KCNU1: variants seen among roughly 807,000 people sequenced by gnomAD.
KCNU1 encodes potassium calcium-activated channel subfamily U member 1.
In KCNU1, 93 loss-of-function variants were observed where a neutral mutation model predicts 126.8. The ratio of observed to expected loss-of-function variants is 0.73; its 90% CI spans 0.62 to 0.87. KCNU1 has a LOEUF of 0.87. Among genes scored for constraint, KCNU1 ranks in the 40% least tolerant of loss-of-function variants. The pLI is 0.00. For missense variants in KCNU1, 1,330 were observed against 1,367.1 expected, an observed-to-expected ratio of 0.97 and a Z score of 0.43; for synonymous variants, 523 against 494.2, an observed-to-expected ratio of 1.06 and a Z score of -0.77.
chr8:36,816,114 G>C (rs574576974), intron 9 of KCNU1, among the ~76,000 whole-genome samples: 1 of 150,134 alleles, frequency 6.7e-6, no homozygotes, highest in South Asian at 2.1e-4. Context: ...ATTTAGTTCA[G>C]TTGTCTTAGC....
At chr8:36,805,917 C>T (rs1223791040) in intron 4 of KCNU1, among the ~76,000 whole-genome samples, 2 of 152,118 alleles carry the variant, frequency 1.3e-5, no homozygotes, top group African/African-American at 2.4e-5. Context: ...GTTCTTGGCT[C>T]ACTGCAACCT....
At chr8:36,792,822 G>T (rs1281301884) in intron 2 of KCNU1, among the ~76,000 whole-genome samples, 1 of 152,098 alleles carries the variant, frequency 6.6e-6, no homozygotes, top group African/African-American at 2.4e-5. Flanking sequence ...TATAGGTTCT[G>T]CATATAATAA....
chr8:36,822,047 A>G (rs867145292), intron 10 of KCNU1, among the ~76,000 whole-genome samples: 3 of 152,106 alleles, frequency 2.0e-5, no homozygotes, highest in South Asian at 4.2e-4. Flanking sequence ...TGCTCCTCCT[A>G]CCAAAAGTGG....
At chr8:36,879,189 GTA>G (rs1472849345) in intron 19 of KCNU1, among the ~76,000 whole-genome samples, 84 of 108,836 alleles carry the variant, frequency 7.7e-4, no homozygotes, top group Admixed American at 6.4e-4. Context: ...AGGCATATAT[GTA>G]TGTGTGTGTG....
intron 18 of KCNU1, among the ~76,000 whole-genome samples, chr8:36,860,103 A>C (rs1805675796): frequency 6.6e-6 from 1 of 152,038 alleles, no homozygotes; most frequent in Non-Finnish European, 1.5e-5. Context: ...TTTGAGATGG[A>C]GTCTCTCTCT....
chr8:36,859,073 G>T (rs951520529), intron 18 of KCNU1, among the ~76,000 whole-genome samples: 2 of 152,110 alleles, frequency 1.3e-5, no homozygotes, highest in African/African-American at 4.8e-5. Context: ...GCCAGATGAT[G>T]GCAGCAGAGT....
At chr8:36,889,840 A>G (rs923131766) in intron 19 of KCNU1, among the ~76,000 whole-genome samples, 2 of 152,070 alleles carry the variant, frequency 1.3e-5, no homozygotes, top group Non-Finnish European at 2.9e-5. Flanking sequence ...CTGCTAAGAA[A>G]AAAAAGAGAA....
intron 10 of KCNU1, among the ~76,000 whole-genome samples, chr8:36,823,071 A>G (rs930294394): frequency 1.3e-5 from 2 of 152,186 alleles, no homozygotes; most frequent in Non-Finnish European, 2.9e-5. Flanking sequence ...GAGTGTTGTC[A>G]TAACAGAGGG....
At position 36,839,807 on chromosome 8, in the gene KCNU1, G is replaced by A. The variant is rs148830721; in HGVS notation, c.1519-656G>A. Among the ~76,000 whole-genome samples the A allele has an allele frequency of 7.1e-3, 1,079 of 152,244 alleles. 11 individuals are homozygous for A. Among genetic ancestry groups the A allele is most frequent in the African/African-American group, 0.025 (1,048 of 41,538 alleles). ...CATGGCAGTAGGTGGAGAAGGATGA[G>A]GAGAGGGTCCTACACAAACGTCAGC... On this transcript the variant is annotated intron_variant, in intron 14 of 26. Coordinates refer to ENST00000399881, the MANE Select transcript of KCNU1 (RefSeq NM_001031836.3).
At chr8:36,818,595 G>A (rs1054243269) in intron 10 of KCNU1, among the ~76,000 whole-genome samples, 2 of 152,156 alleles carry the variant, frequency 1.3e-5, no homozygotes, top group African/African-American at 4.8e-5. Flanking sequence ...TTTGCCTGAT[G>A]TGTAGAGAAT....
chr8:36,868,118 G>C (rs1892618), intron 19 of KCNU1, among the ~76,000 whole-genome samples: 328 of 152,252 alleles, frequency 2.2e-3, no homozygotes, highest in African/African-American at 7.6e-3. Context: ...TTCCATTTGA[G>C]GGTGAGTCTC....
intron 8 of KCNU1, among the ~76,000 whole-genome samples, chr8:36,814,862 C>T (rs764109660): frequency 2.0e-5 from 3 of 152,176 alleles, no homozygotes; most frequent in Admixed American, 1.3e-4. Flanking sequence ...ACTTTCATTT[C>T]AATTCCTTAA....
At chr8:36,927,352 A>G (rs1256944315) in intron 24 of KCNU1, among the ~76,000 whole-genome samples, 1 of 152,162 alleles carries the variant, frequency 6.6e-6, no homozygotes, top group Non-Finnish European at 1.5e-5. Context: ...ATAGGATATA[A>G]TTCAGATTTG....
At chr8:36,878,027 AT>A (rs1806336130) in intron 19 of KCNU1, among the ~76,000 whole-genome samples, 1 of 152,178 alleles carries the variant, frequency 6.6e-6, no homozygotes. Context: ...TCAACTCTAA[AT>A]ACCCCAGATT....
intron 12 of KCNU1, among the ~76,000 whole-genome samples, chr8:36,835,724 T>C (rs1804723650): frequency 6.6e-6 from 1 of 152,158 alleles, no homozygotes; most frequent in Non-Finnish European, 1.5e-5. Flanking sequence ...ACGTGACTTG[T>C]GATAACTGTG....
At chr8:36,902,609 G>A (rs1463831431) in intron 19 of KCNU1, among the ~76,000 whole-genome samples, 4 of 152,068 alleles carry the variant, frequency 2.6e-5, no homozygotes, top group African/African-American at 9.7e-5. Flanking sequence ...GTCATGATAT[G>A]TAAACACATG....
chr8:36,879,107 C>T (rs1282453266), intron 19 of KCNU1, among the ~76,000 whole-genome samples: 1 of 146,286 alleles, frequency 6.8e-6, no homozygotes, highest in East Asian at 2.0e-4. Flanking sequence ...TTGGGTATTT[C>T]TTGCATTTTA....
At chr8:36,876,782 T>G (rs1446481471) in intron 19 of KCNU1, among the ~76,000 whole-genome samples, 1 of 152,126 alleles carries the variant, frequency 6.6e-6, no homozygotes, top group African/African-American at 2.4e-5. Flanking sequence ...TAGGTGTGTA[T>G]GTAGGTATGG....
At chr8:36,902,249 G>A (rs146377923) in intron 19 of KCNU1, among the ~76,000 whole-genome samples, 1 of 152,058 alleles carries the variant, frequency 6.6e-6, no homozygotes, top group African/African-American at 2.4e-5. Flanking sequence ...GAAAAATGTT[G>A]TCTGTGACAG....
Sources: gnomAD v4.1 joint callset for allele counts (sites outside exome capture counted in the v4.1 genomes callset) on GRCh38, gnomAD v4.1.1 for gene constraint, MANE v1.5 for transcripts, NCBI Gene and HGNC (gene_info 2026-07-23, HGNC 2026-07-21) for gene names.